Variants in ILDR1 observed in about 807,000 individuals in gnomAD.
ILDR1 encodes immunoglobulin like domain containing receptor 1.
A neutral mutation model predicts 62.4 loss-of-function variants in ILDR1; 56 were observed. The observed-to-expected ratio is 0.90, with a 90% CI of 0.72 to 1.12. The LOEUF (loss-of-function observed/expected upper bound fraction) is 1.12. Ranked by LOEUF, ILDR1 falls within the 50% of genes most tolerant of loss-of-function variation. ILDR1 has a pLI of 0.00. For missense variants in ILDR1, 736 were observed against 710.6 expected (o/e 1.04, Z -0.41); for synonymous variants, 284 against 277.8 (o/e 1.02, Z -0.22).
chr3:122,010,348 T>C (rs891265750), intron 1 of ILDR1, among the ~76,000 whole-genome samples: 3 of 152,100 alleles, frequency 2.0e-5, no homozygotes, highest in Non-Finnish European at 4.4e-5. Flanking sequence ...TGAAGAACAG[T>C]AATACAGTGA....
the ILDR1 span, among the ~76,000 whole-genome samples, chr3:122,058,136 T>C: frequency 6.6e-6 from 1 of 152,228 alleles, no homozygotes; most frequent in Non-Finnish European, 1.5e-5. Flanking sequence ...TTACTATTAC[T>C]GTTTGGATTA....
At chr3:122,026,548 TAG>T, upstream of ILDR1, among the ~76,000 whole-genome samples, 1 of 152,336 alleles carries the variant, frequency 6.6e-6, no homozygotes, top group South Asian at 2.1e-4. Context: ...CACATTGCGC[TAG>T]AGAGTACTGG....
Position 121,993,396 on chromosome 3 carries a change from G to T in ILDR1, c.1353C>A (p.Ser451Arg), listed in dbSNP as rs761401095. 6.2e-7 allele frequency: 1 copy of T among 1,613,270 alleles called. No homozygotes were observed. Among genetic ancestry groups the T allele is most frequent in the South Asian group, 1.1e-5 (1 of 91,050 alleles). Reference protein sequence around the residue: ...SRCQERPRRPSPRESTQRHGR... With the variant: ...SRCQERPRRPRPRESTQRHGR... The stretch of plus-strand genomic sequence containing the variant: ...CGTGCCTCTGAGTGCTCTCCCGGGG[G>T]CTGGGCCTGCGGGGCCTCTCCTGAC... Residue 451 changes from serine to arginine, a missense_variant, in exon 7 of 8, where the codon AGC becomes AGA. Ser to Arg is a moderately radical substitution (Grantham distance 110). Coordinates refer to ENST00000344209, the MANE Select transcript of ILDR1 (RefSeq NM_001199799.2).
chr3:121,993,353 G>T lies in ILDR1; in HGVS notation c.1396C>A (p.Arg466Ser). The change falls in exon 7 of 8, where the codon CGC becomes AGC. Residue 466 changes from arginine to serine, a missense_variant. By Grantham distance (110) the Arg-to-Ser change is moderately radical. Coordinates refer to ENST00000344209, the MANE Select transcript of ILDR1 (RefSeq NM_001199799.2). ...GAGGGCAAGGGAGGAGAGTAGCTGC[G>T]GTGCCTGCGTCGTCTCCCGTGCCTC... ...TQRHGRRRRH[R>S]SYSPPLPSGL... 1.2e-6 allele frequency: 2 copies of T among 1,609,838 alleles called. No homozygotes were observed. Among genetic ancestry groups the T allele is most frequent in the Non-Finnish European group, 1.7e-6 (2 of 1,176,768 alleles).
At chr3:122,029,626 T>C in the ILDR1 span, among the ~76,000 whole-genome samples, 10 of 151,616 alleles carry the variant, frequency 6.6e-5, no homozygotes, top group Non-Finnish European at 1.3e-4. Context: ...AGCTGAATCC[T>C]TAACATTTTA....
intron 1 of ILDR1, among the ~76,000 whole-genome samples, chr3:122,013,405 C>T (rs1260162181): frequency 6.6e-6 from 1 of 152,006 alleles, no homozygotes; most frequent in East Asian, 1.9e-4. Flanking sequence ...AGGTCTTTGC[C>T]GGCAAGGGGC....
upstream of ILDR1, among the ~76,000 whole-genome samples, chr3:122,026,891 G>A (rs191142836): frequency 6.2e-4 from 94 of 152,212 alleles, 1 homozygote; most frequent in Middle Eastern, 6.8e-3. Context: ...ATAATATTAC[G>A]TTATCTACAC....
At chr3:122,003,486 A>T (rs1381380323) in intron 3 of ILDR1, among the ~76,000 whole-genome samples, 2 of 152,234 alleles carry the variant, frequency 1.3e-5, no homozygotes, top group African/African-American at 2.4e-5. Flanking sequence ...ATCTGCTCTA[A>T]TTTTTATTGG....
At position 121,993,365 on chromosome 3, in the gene ILDR1, G is replaced by A. The variant is rs775062249; in HGVS notation, c.1384C>T (p.Arg462Ter). 2.1e-5 allele frequency: 34 copies of A among 1,609,804 alleles called. 1 individual carries two copies. The highest frequency in any genetic ancestry group is 1.9e-4 in the South Asian group (17 of 90,982). The change falls in exon 7 of 8, where the codon CGA becomes TGA. Residue 462 changes from arginine to a stop codon, truncating the protein, a stop_gained. Coordinates refer to ENST00000344209, the MANE Select transcript of ILDR1 (RefSeq NM_001199799.2). LOFTEE classifies it high-confidence loss of function. ...GGAGAGTAGCTGCGGTGCCTGCGTCGTCTCCCGTGCCTCTGAGTGCTCTCC... is the reference window on the plus strand; with the variant it reads ...GGAGAGTAGCTGCGGTGCCTGCGTCATCTCCCGTGCCTCTGAGTGCTCTCC... Reference protein sequence around the residue: ...PRESTQRHGRRRRHRSYSPPL... With the variant: ...PRESTQRHGR
chr3:121,988,844 T>G (rs2071294392), intron 7 of ILDR1, among the ~76,000 whole-genome samples: 1 of 152,250 alleles, frequency 6.6e-6, no homozygotes, highest in East Asian at 1.9e-4. Context: ...CTAAAAAGTT[T>G]GGCTTCAAAC....
chr3:122,059,917 G>A, the ILDR1 span, among the ~76,000 whole-genome samples: 3 of 152,212 alleles, frequency 2.0e-5, no homozygotes, highest in Non-Finnish European at 4.4e-5. Context: ...ATACAAGCCA[G>A]AGAGAAAGGC....
intron 1 of ILDR1, among the ~76,000 whole-genome samples, chr3:122,017,940 G>T (rs992638251): frequency 1.3e-5 from 2 of 152,208 alleles, no homozygotes. Flanking sequence ...TTACACTGTT[G>T]GTGGGAGTGT....
rs1417054002 is a variant in ILDR1 at position 122,001,746 on chromosome 3, T to C, written c.498A>G (p.Leu166=). The part of the protein sequence containing the change: ...DPDKEVKLIV[L]HWLTVIFIIL... ...ATAGAAAGCTCCAGTAGCACTTACG[T>C]AGGACGATGAGCTTTACTTCCTTAT... The change falls in exon 4 of 8, where the codon CTA becomes CTG. Residue 166 remains leucine, a splice_region_variant and synonymous_variant. Coordinates refer to ENST00000344209, the MANE Select transcript of ILDR1 (RefSeq NM_001199799.2). 3.1e-6 allele frequency: 5 copies of C among 1,612,984 alleles called. No homozygotes were observed. Among genetic ancestry groups the C allele is most frequent in the Middle Eastern group, 1.8e-4 (1 of 5,674 alleles).
At chr3:121,996,640 G>A (rs1372303767) in intron 5 of ILDR1, among the ~76,000 whole-genome samples, 1 of 152,208 alleles carries the variant, frequency 6.6e-6, no homozygotes, top group Non-Finnish European at 1.5e-5. Flanking sequence ...CCTCAGTGGA[G>A]TAAAATCTGC....
At chr3:122,001,667 G>GTTTTT in intron 4 of ILDR1, 78 bp downstream of exon 4, 1 of 1,413,952 alleles carries the variant, frequency 7.1e-7, no homozygotes, top group Non-Finnish European at 9.8e-7. Context: ...CTTATTTCTG[G>GTTTTT]TTTTTTTTTT....
the ILDR1 span, among the ~76,000 whole-genome samples, chr3:122,045,819 C>A: frequency 1.3e-5 from 2 of 149,814 alleles, no homozygotes; most frequent in South Asian, 2.2e-4. Flanking sequence ...TGTCTCTGCA[C>A]GTGAGATGGG....
At chr3:122,030,122 C>T in the ILDR1 span, among the ~76,000 whole-genome samples, 998 of 151,916 alleles carry the variant, frequency 6.6e-3, 10 homozygotes, top group African/African-American at 0.021. Context: ...CCAAAAGCCA[C>T]TTATAAAACC....
At chr3:122,005,208 C>A (rs755561684) in intron 3 of ILDR1, 36 bp downstream of exon 3, 38 of 1,282,914 alleles carry the variant, frequency 3.0e-5, no homozygotes, top group East Asian at 7.1e-5. Flanking sequence ...CACCTCCCCC[C>A]ACCCCCAGTT....
intron 7 of ILDR1, among the ~76,000 whole-genome samples, chr3:121,989,383 T>C (rs2071304590): frequency 1.3e-5 from 2 of 152,214 alleles, no homozygotes; most frequent in Non-Finnish European, 1.5e-5. Flanking sequence ...AATGCCGACA[T>C]AAAACTTTTT....
Sources: allele counts gnomAD v4.1 joint callset (sites outside exome capture counted in the v4.1 genomes callset), GRCh38; gene constraint gnomAD v4.1.1; transcripts MANE v1.5; gene names NCBI Gene and HGNC (gene_info 2026-07-23, HGNC 2026-07-21).